PPP2R2A: variants seen among roughly 807,000 people sequenced by gnomAD.
PPP2R2A encodes the protein protein phosphatase 2 regulatory subunit Balpha, also known as serine/threonine-protein phosphatase 2A 55 kDa regulatory subunit B alpha isoform.
A neutral mutation model predicts 53.2 loss-of-function variants in PPP2R2A; 9 were observed. The observed-to-expected ratio is 0.17, with a 90% confidence interval of 0.10 to 0.30. The LOEUF (loss-of-function observed/expected upper bound fraction) is 0.30, where lower values mean the gene tolerates loss of function less well. Ranked by LOEUF, PPP2R2A falls within the 10% of genes least tolerant of loss-of-function variation. The probability of loss-of-function intolerance (pLI) is 1.00; values close to 1 mark genes in which losing one functional copy is unlikely to be tolerated. For missense variants in PPP2R2A, 235 were observed against 534.6 expected, an observed-to-expected ratio of 0.44 and a Z score of 5.53; for synonymous variants, 169 against 174.2, an observed-to-expected ratio of 0.97 and a Z score of 0.23.
intron 3 of PPP2R2A, among the ~76,000 whole-genome samples, chr8:26,345,335 CTTA>C (rs1477452458): frequency 2.6e-5 from 4 of 152,198 alleles, no homozygotes; most frequent in African/African-American, 2.4e-5. Context: ...TCATTGTATT[CTTA>C]TTATTAATAA....
chr8:26,357,648 G>T (rs1290335701), intron 4 of PPP2R2A, among the ~76,000 whole-genome samples: 6 of 152,068 alleles, frequency 3.9e-5, no homozygotes, highest in Non-Finnish European at 8.8e-5. Flanking sequence ...CATAAATAGG[G>T]TGTGTCTTAA....
chr8:26,344,615 C>T (rs1022224884), intron 3 of PPP2R2A, among the ~76,000 whole-genome samples: 2 of 152,130 alleles, frequency 1.3e-5, no homozygotes, highest in African/African-American at 4.8e-5. Context: ...TGCATTTGCC[C>T]AGCCATCTCT....
chr8:26,357,363 G>A (rs537704503), intron 4 of PPP2R2A, among the ~76,000 whole-genome samples: 14 of 148,880 alleles, frequency 9.4e-5, no homozygotes, highest in African/African-American at 3.2e-4. Flanking sequence ...AAACTTTCCA[G>A]GTTTGATTAA....
chr8:26,356,020 G>A (rs1191364629), intron 4 of PPP2R2A, among the ~76,000 whole-genome samples: 1 of 152,154 alleles, frequency 6.6e-6, no homozygotes, highest in Non-Finnish European at 1.5e-5. Context: ...AATCATTAGA[G>A]TGACTGAGGA....
intron 7 of PPP2R2A, chr8:26,363,235 T>C (rs1165971170): frequency 6.2e-6 from 1 of 161,746 alleles, no homozygotes; most frequent in Non-Finnish European, 1.3e-5. Context: ...AAAAACAACT[T>C]TGGTTTAAAA....
intron 2 of PPP2R2A, among the ~76,000 whole-genome samples, chr8:26,301,261 A>G (rs1465368951): frequency 6.6e-6 from 1 of 151,940 alleles, no homozygotes; most frequent in Non-Finnish European, 1.5e-5. Context: ...TTTATTTTGA[A>G]GTAATTAAAT....
chr8:26,292,384 C>G (rs1200737785), intron 1 of PPP2R2A: 11 of 985,580 alleles, frequency 1.1e-5, no homozygotes, highest in Admixed American at 6.1e-5. Context: ...TTTTTTGTTT[C>G]GAACCATTTC....
At chr8:26,308,416 C>G (rs933778234) in intron 2 of PPP2R2A, among the ~76,000 whole-genome samples, 1 of 152,382 alleles carries the variant, frequency 6.6e-6, no homozygotes. Flanking sequence ...TTTAACCCTA[C>G]TGCTGCTTTA....
At chr8:26,341,429 A>G (rs1803939364) in intron 3 of PPP2R2A, among the ~76,000 whole-genome samples, 2 of 152,044 alleles carry the variant, frequency 1.3e-5, no homozygotes, top group South Asian at 4.1e-4. Context: ...TTGTTTCAAT[A>G]CCTAATGTAA....
At chr8:26,337,683 G>A in intron 2 of PPP2R2A, among the ~76,000 whole-genome samples, 1 of 152,130 alleles carries the variant, frequency 6.6e-6, no homozygotes, top group East Asian at 1.9e-4. Context: ...GTGTAGCCAG[G>A]GGTTTTTTAA....
intron 6 of PPP2R2A, among the ~76,000 whole-genome samples, chr8:26,361,483 G>C (rs1051225300): frequency 6.6e-6 from 1 of 152,156 alleles, no homozygotes. Flanking sequence ...GCTTATGCCT[G>C]TAATCCCAGC....
intron 3 of PPP2R2A, among the ~76,000 whole-genome samples, chr8:26,342,342 A>G (rs1442989421): frequency 6.6e-6 from 1 of 152,178 alleles, no homozygotes; most frequent in Non-Finnish European, 1.5e-5. Context: ...AAAGTAAATG[A>G]TAGGGTATAT....
intron 2 of PPP2R2A, among the ~76,000 whole-genome samples, chr8:26,295,449 A>G (rs957402523): frequency 6.6e-6 from 1 of 152,366 alleles, no homozygotes; most frequent in Admixed American, 6.5e-5. Context: ...AAGCAAAGAA[A>G]GCAACTTATA....
Position 26,360,865 on chromosome 8 carries a change from G to T in PPP2R2A, c.460-109G>T. The T allele has an allele frequency of 9.5e-7, 1 of 1,055,024 alleles. No individual in the cohort carries two copies. The highest frequency in any genetic ancestry group is 3.1e-5 in the Admixed American group (1 of 32,700). The allele number at this position is 1,055,024 out of a possible 1,614,324, so 65.4% of individuals were successfully genotyped here. A position where few individuals can be genotyped will look rare whatever the true frequency, so the allele number is the denominator to read the frequency against. On this transcript the variant is annotated intron_variant, in intron 5 of 9. Coordinates refer to ENST00000380737, the MANE Select transcript of PPP2R2A (RefSeq NM_002717.4). This position sits in a 1 kb window ranked among gnomAD's most constrained non-coding sequence, Gnocchi z 4.5. ...TTTAAAACTAAATCTATGTAATATT[G>T]TTCTATTTTATGTTCTCAAAAACTG...
intron 2 of PPP2R2A, chr8:26,333,665 C>G: frequency 1.8e-6 from 1 of 561,766 alleles, no homozygotes; most frequent in Non-Finnish European, 2.4e-6. Context: ...TGTGAATTTC[C>G]CCTTGCTGAT....
At chr8:26,335,926 AC>A (rs1405228596) in intron 2 of PPP2R2A, among the ~76,000 whole-genome samples, 7 of 152,230 alleles carry the variant, frequency 4.6e-5, no homozygotes, top group African/African-American at 1.4e-4. Context: ...AAGAAGTGAT[AC>A]GTTATTGGAG....
chr8:26,298,919 GAAAT>G lies in PPP2R2A; in HGVS notation c.82+5184_82+5187del, dbSNP rs1483979058. On this transcript the variant is annotated intron_variant, in intron 2 of 9. Coordinates refer to ENST00000380737, the MANE Select transcript of PPP2R2A (RefSeq NM_002717.4). ...ATAATGTGTTTAAATTTTACTTGTG[GAAAT>G]AAATTATTAAAAATTCAAATACATG... is the stretch of plus-strand genomic sequence containing the variant. Among the ~76,000 whole-genome samples the G allele has an allele frequency of 5.9e-5, 9 of 152,266 alleles. No individual in the cohort carries two copies. The South Asian group carries it at 1.5e-3, about 25-fold the overall frequency.
At chr8:26,347,338 G>A (rs946776966) in intron 3 of PPP2R2A, among the ~76,000 whole-genome samples, 2 of 151,910 alleles carry the variant, frequency 1.3e-5, no homozygotes, top group Non-Finnish European at 1.5e-5. Context: ...GATAGAACTG[G>A]GGAAGAGCGC....
intron 2 of PPP2R2A, among the ~76,000 whole-genome samples, chr8:26,312,394 A>G (rs1193925947): frequency 6.6e-6 from 1 of 152,200 alleles, no homozygotes; most frequent in African/African-American, 2.4e-5. Context: ...ATCAGCTCCC[A>G]GTGATGCTGG....
Sources: gnomAD v4.1 joint callset for allele counts (sites outside exome capture counted in the v4.1 genomes callset) on GRCh38, gnomAD v4.1.1 for gene constraint, Gnocchi (gnomAD v3.1) non-coding constraint, MANE v1.5 for transcripts, NCBI Gene and HGNC (gene_info 2026-07-23, HGNC 2026-07-21) for gene names.